The following IL1RL1 variants were observed in gnomAD, a reference collection of about 807,000 sequenced individuals.
The protein encoded by IL1RL1 is interleukin-1 receptor-like 1.
Under a neutral mutation model 50.9 loss-of-function variants are expected in IL1RL1, and 32 were observed. The ratio of observed to expected loss-of-function variants is 0.63; its 90% CI spans 0.47 to 0.84. The LOEUF is 0.84. Among genes scored for constraint, IL1RL1 ranks in the 40% least tolerant of loss-of-function variants. The pLI is 0.00. For missense variants in IL1RL1, 773 were observed against 662.9 expected, an observed-to-expected ratio of 1.17 and a Z score of -1.82; for synonymous variants, 275 against 236.0, an observed-to-expected ratio of 1.17 and a Z score of -1.51.
chr2:102,326,926 G>A (rs12725988), intron 1 of IL1RL1, among the ~76,000 whole-genome samples: 1 of 151,714 alleles, frequency 6.6e-6, no homozygotes, highest in African/African-American at 2.4e-5. Context: ...CACCCCACTG[G>A]AAACATTAGA....
intron 1 of IL1RL1, chr2:102,313,236 G>A (rs1676573862): frequency 6.6e-6 from 1 of 152,154 alleles, no homozygotes; most frequent in African/African-American, 2.4e-5. Context: ...TTAAATGGGT[G>A]TAAGTGTTTA....
chr2:102,329,260 G>C (rs62151722), intron 1 of IL1RL1, among the ~76,000 whole-genome samples: 1 of 152,094 alleles, frequency 6.6e-6, no homozygotes, highest in East Asian at 1.9e-4. Context: ...ATTTAACAAA[G>C]GGTGCTGGGA....
At chr2:102,311,896 ATCATATATGTTATATATTT>A (rs1156888209) in intron 1 of IL1RL1, among the ~76,000 whole-genome samples, 5,758 of 61,884 alleles carry the variant, frequency 0.093, 783 homozygotes, top group Middle Eastern at 0.29. Context: ...TATATAATAT[ATCATATATGTTATATATTT>A]TATTATATAA....
intron 5 of IL1RL1, 83 bp downstream of exon 5, chr2:102,340,911 T>C: frequency 3.7e-6 from 4 of 1,090,880 alleles, no homozygotes; most frequent in Non-Finnish European, 2.6e-6. Context: ...GTTGGGTTTC[T>C]TGCACTTCTC....
intron 2 of IL1RL1, 145 bp from the exon 3 acceptor site, chr2:102,338,692 C>A: frequency 4.6e-6 from 3 of 658,352 alleles, no homozygotes; most frequent in Non-Finnish European, 5.3e-6. Flanking sequence ...CATAAGAGAT[C>A]TTAACAGTTA....
Position 102,338,189 on chromosome 2 carries a change from C to G in IL1RL1, c.-76C>G. On this transcript the variant is annotated 5_prime_UTR_variant, in exon 2 of 11. Coordinates refer to ENST00000233954, the MANE Select transcript of IL1RL1 (RefSeq NM_016232.5). The stretch of plus-strand genomic sequence containing the variant: ...ACTGCCTCATGTGTGGTGACCTTCA[C>G]TGTCGTATGCCAGTGACTCATCTGG... 1.1e-6 allele frequency: 1 copy of G among 930,426 alleles called. No homozygotes were observed. Among genetic ancestry groups the G allele is most frequent in the Non-Finnish European group, 1.7e-6 (1 of 578,756 alleles). 57.6% of individuals were successfully genotyped at this position (930,426 alleles called of 1,614,324 possible).
At chr2:102,322,930 A>T (rs147087303) in intron 1 of IL1RL1, among the ~76,000 whole-genome samples, 1 of 152,290 alleles carries the variant, frequency 6.6e-6, no homozygotes, top group Non-Finnish European at 1.5e-5. Context: ...TTTGCTTAGC[A>T]TAATTTTTCA....
Position 102,352,035 on chromosome 2 carries a change from C to A in IL1RL1, c.*114C>A. On this transcript the variant is annotated 3_prime_UTR_variant, in exon 11 of 11. Coordinates refer to ENST00000233954, the MANE Select transcript of IL1RL1 (RefSeq NM_016232.5). ...GCAGGAATATTAAAGGGATTCAGGC[C>A]TCAGGTTTCATCTGGTAACTTTCCT... 1 of 1,101,738 alleles carries A rather than the reference C, an allele frequency of 9.1e-7. No homozygotes were observed. The highest frequency in any genetic ancestry group is 1.3e-6 in the Non-Finnish European group (1 of 776,280). The allele number at this position is 1,101,738 out of a possible 1,614,324, so 68.2% of individuals were successfully genotyped here.
intron 8 of IL1RL1, chr2:102,344,828 A>G (rs1241603522): frequency 6.3e-6 from 6 of 949,080 alleles, no homozygotes; most frequent in Admixed American, 6.2e-5. Context: ...GGTAAATTCA[A>G]TAACTTTCCT....
At chr2:102,314,366 G>A (rs1676611569) in intron 1 of IL1RL1, among the ~76,000 whole-genome samples, 1 of 152,216 alleles carries the variant, frequency 6.6e-6, no homozygotes, top group African/African-American at 2.4e-5. Context: ...TGTGTGGCTG[G>A]GCTGAGTCTG....
At chr2:102,341,397 T>G (rs1226420266) in intron 5 of IL1RL1, 23 of 1,036,008 alleles carry the variant, frequency 2.2e-5, no homozygotes, top group Non-Finnish European at 2.8e-5. Flanking sequence ...TCCAAGTTAT[T>G]TTAAATTTTA....
intron 1 of IL1RL1, among the ~76,000 whole-genome samples, chr2:102,335,983 C>G (rs188498450): frequency 6.6e-6 from 1 of 152,120 alleles, no homozygotes; most frequent in Non-Finnish European, 1.5e-5. Flanking sequence ...TCAATCTCCC[C>G]GCGGTCAAAG....
intron 1 of IL1RL1, among the ~76,000 whole-genome samples, chr2:102,321,881 G>T (rs529612916): frequency 6.6e-6 from 1 of 152,152 alleles, no homozygotes; most frequent in Non-Finnish European, 1.5e-5. Context: ...TGTGCGGTTC[G>T]CTATAGTTAC....
At position 102,343,882 on chromosome 2, in the gene IL1RL1, G is replaced by A. The variant is rs1260505677; in HGVS notation, c.970+467G>A. On this transcript the variant is annotated intron_variant, in intron 8 of 10. Coordinates refer to ENST00000233954, the MANE Select transcript of IL1RL1 (RefSeq NM_016232.5). Reference sequence around the variant, plus strand: ...GAGGGTGGTAAAGTGAACAAAAAGGGGAAGTATCAAACTACTGCCATTTCA... The same window carrying A: ...GAGGGTGGTAAAGTGAACAAAAAGGAGAAGTATCAAACTACTGCCATTTCA... 7.0e-6 allele frequency: 7 copies of A among 997,798 alleles called. No homozygotes were observed. The South Asian group carries it at 2.2e-4, about 32-fold the overall frequency. The allele number at this position is 997,798 out of a possible 1,614,324, so 61.8% of individuals were successfully genotyped here.
chr2:102,346,594 C>T (rs532250043), intron 8 of IL1RL1, among the ~76,000 whole-genome samples: 3 of 152,330 alleles, frequency 2.0e-5, no homozygotes, highest in East Asian at 3.9e-4. Flanking sequence ...ACACATTCCT[C>T]TGTGCATCCA....
At chr2:102,317,624 A>C (rs879235626) in intron 1 of IL1RL1, among the ~76,000 whole-genome samples, 3 of 152,102 alleles carry the variant, frequency 2.0e-5, no homozygotes, top group Admixed American at 2.0e-4. Flanking sequence ...TAGATTTTTA[A>C]TTTATAAAAA....
Position 102,352,020 on chromosome 2 carries a change from T to A in IL1RL1, c.*99T>A. 1 of 1,207,532 alleles carries A rather than the reference T, an allele frequency of 8.3e-7. No homozygotes were observed. Among genetic ancestry groups the A allele is most frequent in the Non-Finnish European group, 1.2e-6 (1 of 864,162 alleles). The allele number at this position is 1,207,532 out of a possible 1,614,324, so 74.8% of individuals were successfully genotyped here. ...ACTGAAGTGTGAGGAGCAGGAATAT[T>A]AAAGGGATTCAGGCCTCAGGTTTCA... On this transcript the variant is annotated 3_prime_UTR_variant, in exon 11 of 11. Coordinates refer to ENST00000233954, the MANE Select transcript of IL1RL1 (RefSeq NM_016232.5).
At position 102,351,909 on chromosome 2, in the gene IL1RL1, C is replaced by T. The variant is rs1317440390; in HGVS notation, c.1659C>T (p.Ala553=). The T allele has an allele frequency of 3.1e-6, 5 of 1,608,468 alleles. No homozygotes were observed. In the Admixed American group the frequency reaches 8.4e-5, roughly 27 times the overall value. The change falls in exon 11 of 11, where the codon GCC becomes GCT. Residue 553 remains alanine (A), a synonymous_variant. Coordinates refer to ENST00000233954, the MANE Select transcript of IL1RL1 (RefSeq NM_016232.5). ...CCTCTAGTTTGACTCCCTTGGCTGC[C>T]CAGAAGCAATAGTGCCTGCTGTGAT... The part of the protein sequence containing the change: ...RKASSLTPLA[A]QKQ
At chr2:102,327,273 G>A (rs1208605306) in intron 1 of IL1RL1, among the ~76,000 whole-genome samples, 1 of 151,994 alleles carries the variant, frequency 6.6e-6, no homozygotes, top group Non-Finnish European at 1.5e-5. Context: ...ATAACGAAAT[G>A]AAGGCAGAAA....
Sources: allele counts gnomAD v4.1 joint callset (sites outside exome capture counted in the v4.1 genomes callset), GRCh38; gene constraint gnomAD v4.1.1; transcripts MANE v1.5; gene names NCBI Gene and HGNC (gene_info 2026-07-23, HGNC 2026-07-21).